Variants in CCSER2 observed in about 807,000 individuals in gnomAD.
CCSER2 encodes the protein coiled-coil serine rich protein 2, also known as serine-rich coiled-coil domain-containing protein 2.
Under a neutral mutation model 92.3 loss-of-function variants are expected in CCSER2, and 46 were observed. The ratio of observed to expected loss-of-function variants is 0.50; its 90% CI spans 0.39 to 0.64. CCSER2 has a LOEUF of 0.64. Ranked by LOEUF, CCSER2 falls within the 30% of genes least tolerant of loss-of-function variation. The probability of loss-of-function intolerance (pLI) is 0.00; values close to 1 mark genes in which losing one functional copy is unlikely to be tolerated. For synonymous variants in CCSER2, 433 were observed against 431.4 expected, an observed-to-expected ratio of 1.00 and a Z score of -0.04; for missense variants, 1,244 against 1,238.9, an observed-to-expected ratio of 1.00 and a Z score of -0.06.
intron 6 of CCSER2, among the ~76,000 whole-genome samples, chr10:84,450,794 TA>T: frequency 6.6e-6 from 1 of 152,308 alleles, no homozygotes; most frequent in East Asian, 1.9e-4. Flanking sequence ...GCTTATAGTC[TA>T]GGGGAATATA....
At chr10:84,392,896 G>A (rs1343783452) in intron 3 of CCSER2, among the ~76,000 whole-genome samples, 2 of 152,076 alleles carry the variant, frequency 1.3e-5, no homozygotes, top group African/African-American at 4.8e-5. Flanking sequence ...AGGCCAATAT[G>A]TTATTTTTTA....
chr10:84,478,768 A>G (rs1237857785), intron 9 of CCSER2, among the ~76,000 whole-genome samples: 1 of 152,216 alleles, frequency 6.6e-6, no homozygotes, highest in African/African-American at 2.4e-5. Flanking sequence ...GTGTAAGTCT[A>G]TAAGGTTCAA....
intron 6 of CCSER2, among the ~76,000 whole-genome samples, chr10:84,443,720 T>C (rs1844728711): frequency 6.6e-6 from 1 of 152,148 alleles, no homozygotes; most frequent in African/African-American, 2.4e-5. Context: ...CTGTTCACAA[T>C]AGCAAAGACT....
At chr10:84,483,124 G>T (rs979600227) in intron 9 of CCSER2, among the ~76,000 whole-genome samples, 2 of 152,124 alleles carry the variant, frequency 1.3e-5, no homozygotes, top group Admixed American at 1.3e-4. Context: ...TTTGTGCTTA[G>T]AATTAGGTTT....
rs12240484 is a variant in CCSER2, at chr10:84,423,978, C to G, written c.1706-1753C>G. Among the ~76,000 whole-genome samples the G allele has an allele frequency of 1.7e-4, 21 of 123,962 alleles. No homozygotes were observed. The South Asian group carries it at 5.4e-3, about 32-fold the overall frequency. 81.3% of individuals were successfully genotyped at this position (123,962 alleles called of 152,430 possible). The stretch of plus-strand genomic sequence containing the variant: ...CCTGGCCAGCATAGCAAGTCCCCAT[C>G]TCTTAAAAAAAAAAAAAAAAAAAAA... On this transcript the variant is annotated intron_variant, in intron 4 of 9. Transcript: ENST00000372088.
rs1846046067 is a variant in CCSER2 at position 84,371,279 on chromosome 10, C to T, written c.227C>T (p.Ala76Val). ...WRKANKYQLCAQGVEEPNNTQ... is the reference protein window; with the variant it reads ...WRKANKYQLCVQGVEEPNNTQ... ...AAAGCAAATAAATATCAGCTTTGTG[C>T]ACAAGGTGTCGAAGAGCCTAACAAT... is the stretch of plus-strand genomic sequence containing the variant. The change falls in exon 2 of 10, where the codon GCA becomes GTA. Residue 76 changes from alanine to valine, a missense_variant. By Grantham distance (64) the Ala-to-Val change is moderately conservative. Coordinates refer to ENST00000372088, the MANE Select transcript of CCSER2 (RefSeq NM_001284240.2). 6 of 1,613,138 alleles carry T rather than the reference C, an allele frequency of 3.7e-6. No homozygotes were observed. In the African/African-American group the frequency reaches 4.0e-5, roughly 11 times the overall value.
At chr10:84,357,730 G>A (rs1006565602) in intron 1 of CCSER2, among the ~76,000 whole-genome samples, 2 of 152,150 alleles carry the variant, frequency 1.3e-5, no homozygotes, top group Non-Finnish European at 2.9e-5. Flanking sequence ...GATTACAGGC[G>A]TGAGCCACCG....
intron 1 of CCSER2, among the ~76,000 whole-genome samples, chr10:84,347,414 A>AC (rs1387474911): frequency 2.4e-5 from 3 of 126,230 alleles, no homozygotes; most frequent in Admixed American, 7.8e-5. Flanking sequence ...GGGGGTGCTG[A>AC]CCCCCCACCT....
In CCSER2 at chr10:84,514,977, A is replaced by G. The variant is rs1468847898; in HGVS notation, c.*710A>G. On this transcript the variant is annotated 3_prime_UTR_variant, in exon 10 of 10. Coordinates refer to ENST00000372088, the MANE Select transcript of CCSER2 (RefSeq NM_001284240.2). ...AACACATGTGCATGCACACACACAT[A>G]TACACACACATACCATTTATGTTTG... 2 of 152,598 alleles carry G rather than the reference A, an allele frequency of 1.3e-5. No homozygotes were observed. The highest frequency in any genetic ancestry group is 2.9e-5 in the Non-Finnish European group (2 of 68,034). 9.5% of individuals were successfully genotyped at this position (152,598 alleles called of 1,614,324 possible).
chr10:84,484,159 G>C (rs895680423), intron 9 of CCSER2, among the ~76,000 whole-genome samples: 1 of 151,040 alleles, frequency 6.6e-6, no homozygotes, highest in South Asian at 2.1e-4. Flanking sequence ...ATTTTTTTTA[G>C]TAGAGACGGG....
At chr10:84,395,257 A>G (rs1841768563) in intron 3 of CCSER2, among the ~76,000 whole-genome samples, 1 of 151,190 alleles carries the variant, frequency 6.6e-6, no homozygotes, top group South Asian at 2.1e-4. Flanking sequence ...AGAGTGTAAT[A>G]TGTTCCTTTT....
chr10:84,340,348 T>C (rs145952996), intron 1 of CCSER2, among the ~76,000 whole-genome samples: 6 of 152,330 alleles, frequency 3.9e-5, no homozygotes, highest in East Asian at 1.9e-4. Context: ...CCCCCACTTA[T>C]AGACACTCAA....
At chr10:84,376,078 A>G (rs1371993534) in intron 3 of CCSER2, among the ~76,000 whole-genome samples, 2 of 152,016 alleles carry the variant, frequency 1.3e-5, no homozygotes, top group Non-Finnish European at 2.9e-5. Flanking sequence ...TTTTGTAGTA[A>G]GTCTTCCTTT....
At chr10:84,432,420 T>C (rs1340748090) in intron 5 of CCSER2, among the ~76,000 whole-genome samples, 1 of 152,178 alleles carries the variant, frequency 6.6e-6, no homozygotes, top group Non-Finnish European at 1.5e-5. Context: ...CTCCCCTGTC[T>C]AGTAGTCCCC....
At chr10:84,433,021 G>A (rs980368553) in intron 5 of CCSER2, among the ~76,000 whole-genome samples, 18 of 152,154 alleles carry the variant, frequency 1.2e-4, no homozygotes, top group African/African-American at 3.9e-4. Context: ...AATTGACTGT[G>A]TATATGTGGG....
chr10:84,388,277 G>A (rs1353462679), intron 3 of CCSER2, among the ~76,000 whole-genome samples: 2 of 152,122 alleles, frequency 1.3e-5, no homozygotes, highest in African/African-American at 4.8e-5. Flanking sequence ...TATTGCTTTG[G>A]GTTAGAATAA....
intron 3 of CCSER2, chr10:84,391,630 C>T: frequency 6.5e-7 from 1 of 1,533,742 alleles, no homozygotes; most frequent in South Asian, 1.1e-5. Context: ...TGGTGTTGCA[C>T]TAGCTTGTAG....
chr10:84,348,427 CAGAGGGAGACCGTGGAAAGAGAGGG>C (rs1418601977), intron 1 of CCSER2, among the ~76,000 whole-genome samples: 19 of 152,026 alleles, frequency 1.2e-4, no homozygotes, highest in South Asian at 6.2e-4. Flanking sequence ...GGCTCGGCAT[CAGAGGGAGACCGTGGAAAGAGAGGG>C]AGAGGGAGAC....
At chr10:84,347,989 G>T (rs1038043693) in intron 1 of CCSER2, among the ~76,000 whole-genome samples, 1 of 152,182 alleles carries the variant, frequency 6.6e-6, no homozygotes, top group Non-Finnish European at 1.5e-5. Context: ...GGGCAGAGGG[G>T]CTCCTTGTAT....
Sources: allele counts gnomAD v4.1 joint callset (sites outside exome capture counted in the v4.1 genomes callset), GRCh38; gene constraint gnomAD v4.1.1; transcripts MANE v1.5; gene names NCBI Gene and HGNC (gene_info 2026-07-23, HGNC 2026-07-21).